LONRF2: variants seen among roughly 807,000 people sequenced by gnomAD.
LONRF2 encodes the protein LON peptidase N-terminal domain and RING finger protein 2.
Under a neutral mutation model 66.6 loss-of-function variants are expected in LONRF2, and 35 were observed. The observed-to-expected ratio is 0.53, with a 90% CI of 0.40 to 0.70. The LOEUF (loss-of-function observed/expected upper bound fraction) is 0.70, where lower values mean the gene tolerates loss of function less well. LONRF2 is among the 30% of genes least tolerant of loss of function. The pLI is 0.00. For missense variants in LONRF2, 902 were observed against 1,002.1 expected (o/e 0.90, Z 1.35); for synonymous variants, 417 against 418.1 (o/e 1.00, Z 0.03).
Position 100,275,687 on chromosome 2 carries a change from T to C in LONRF2, c.*8611A>G, listed in dbSNP as rs1249170970. The C allele has an allele frequency of 3.3e-5, 5 of 152,162 alleles. No homozygotes were observed. The highest frequency in any genetic ancestry group is 6.5e-5 in the Admixed American group (1 of 15,272). The allele number at this position is 152,162 out of a possible 1,614,324, so 9.4% of individuals were successfully genotyped here. The stretch of plus-strand genomic sequence containing the variant: ...AAAGGGGAAGGGGTGGGACACTTTG[T>C]TCCCACTCCCCTGAGACCTGCAGAA... On this transcript the variant is annotated 3_prime_UTR_variant, in exon 12 of 12. Coordinates refer to ENST00000393437, the MANE Select transcript of LONRF2 (RefSeq NM_198461.4).
At chr2:100,291,266 A>G (rs1444771849) in intron 9 of LONRF2, among the ~76,000 whole-genome samples, 1 of 152,146 alleles carries the variant, frequency 6.6e-6, no homozygotes, top group Non-Finnish European at 1.5e-5. Flanking sequence ...GGGAGTTTGC[A>G]TCACACACAG....
At chr2:100,320,727 A>T (rs989427544) in intron 1 of LONRF2, among the ~76,000 whole-genome samples, 2 of 152,212 alleles carry the variant, frequency 1.3e-5, no homozygotes, top group African/African-American at 2.4e-5. Flanking sequence ...CGATGACAGA[A>T]GTTTGGTCTT....
rs1287431075 is a variant in LONRF2 at position 100,295,608 on chromosome 2, A to G, written c.1477-55T>C. ...TATGGTAATTGATTCTAAAGGACGA[A>G]GCTTCCGAGTGGAAAGGTGAACAAG... is the stretch of plus-strand genomic sequence containing the variant. On this transcript the variant is annotated intron_variant, in intron 7 of 11. Transcript: ENST00000393437. 1.9e-5 allele frequency: 30 copies of G among 1,563,624 alleles called. 1 individual carries two copies. The South Asian group carries it at 3.4e-4, about 18-fold the overall frequency.
chr2:100,295,380 G>C, intron 8 of LONRF2, 52 bp downstream of exon 8: 6 of 1,554,662 alleles, frequency 3.9e-6, no homozygotes, highest in Non-Finnish European at 5.2e-6. Flanking sequence ...AGCTGAAGTT[G>C]ACAAAGTTCA....
At chr2:100,288,584 T>C (rs1462288576) in intron 10 of LONRF2, among the ~76,000 whole-genome samples, 2 of 152,214 alleles carry the variant, frequency 1.3e-5, no homozygotes, top group East Asian at 1.9e-4. Flanking sequence ...CAAAACCAGA[T>C]AGACATTTCC....
chr2:100,311,355 T>C (rs1158375700), intron 1 of LONRF2, among the ~76,000 whole-genome samples: 1 of 113,308 alleles, frequency 8.8e-6, no homozygotes, highest in Non-Finnish European at 2.0e-5. Context: ...AAAGGAGATT[T>C]GGAAAAAAAA....
At chr2:100,287,149 G>A (rs1674864243) in intron 10 of LONRF2, 86 bp from the exon 11 acceptor site, 4 of 1,256,592 alleles carry the variant, frequency 3.2e-6, no homozygotes, top group East Asian at 2.7e-5. Flanking sequence ...TCCACTAAGT[G>A]GATTTGTGGC....
At chr2:100,305,663 C>T (rs1675276439) in intron 2 of LONRF2, among the ~76,000 whole-genome samples, 1 of 152,164 alleles carries the variant, frequency 6.6e-6, no homozygotes, top group Admixed American at 6.5e-5. Flanking sequence ...ATGATGAGTA[C>T]TTTAGACAAC....
chr2:100,293,060 G>A lies in LONRF2; in HGVS notation c.1757+1169C>T, dbSNP rs112238306. 4.0e-3 allele frequency among the ~76,000 whole-genome samples: 604 copies of A among 152,256 alleles called. 9 individuals are homozygous for A. The East Asian group carries it at 0.047, about 12-fold the overall frequency. On this transcript the variant is annotated intron_variant, in intron 9 of 11. Coordinates refer to ENST00000393437, the MANE Select transcript of LONRF2 (RefSeq NM_198461.4). The stretch of plus-strand genomic sequence containing the variant: ...CTTGATATTACAGGAATGTTCTCCT[G>A]TTTGTTCAGCCAGATCTGGGCTTAG...
chr2:100,321,350 C>T, intron 1 of LONRF2, 65 bp downstream of exon 1: 1 of 1,314,772 alleles, frequency 7.6e-7, no homozygotes, highest in Non-Finnish European at 9.8e-7. Context: ...CACCGGCCAG[C>T]TCCCCACCCC....
In LONRF2 at chr2:100,302,901, T is replaced by C. The variant is rs1675214094; in HGVS notation, c.921+20A>G. 1 of 1,572,372 alleles carries C rather than the reference T, an allele frequency of 6.4e-7. No homozygotes were observed. On this transcript the variant is annotated intron_variant, in intron 3 of 11. Transcript: ENST00000393437. The stretch of plus-strand genomic sequence containing the variant: ...TATAAATAAGACCTGATAGAGAAAG[T>C]CCTTTAACAGAACTCATACCTTCTG...
rs375925242 is a variant in LONRF2 at position 100,312,739 on chromosome 2, C to T, written c.680-3514G>A. The stretch of plus-strand genomic sequence containing the variant: ...TGTTGACGTCCACCATTTGGTGATA[C>T]ATTTGTGAGGACAGCACTTCACAAT... On this transcript the variant is annotated intron_variant, in intron 1 of 11. Coordinates refer to ENST00000393437, the MANE Select transcript of LONRF2 (RefSeq NM_198461.4). Among the ~76,000 whole-genome samples, 37 of 152,314 alleles carry T rather than the reference C, an allele frequency of 2.4e-4. 1 individual carries two copies. The highest frequency in any genetic ancestry group is 8.7e-4 in the African/African-American group (36 of 41,566).
intron 2 of LONRF2, among the ~76,000 whole-genome samples, chr2:100,305,613 T>C (rs1675275324): frequency 6.6e-6 from 1 of 152,146 alleles, no homozygotes; most frequent in African/African-American, 2.4e-5. Flanking sequence ...ACACATTGCT[T>C]ACCTTGCAGC....
chr2:100,316,349 T>TTTCTAATAATTATTAGAAATTCTAATAA (rs1553542138), intron 1 of LONRF2, among the ~76,000 whole-genome samples: 5,834 of 140,306 alleles, frequency 0.042, 394 homozygotes, highest in African/African-American at 0.17. Context: ...GAAAGAAAAT[T>TTTCTAATAATTATTAGAAATTCTAATAA]TTCTAATAAT....
chr2:100,316,599 A>C (rs893989304), intron 1 of LONRF2, among the ~76,000 whole-genome samples: 2 of 152,078 alleles, frequency 1.3e-5, no homozygotes, highest in Non-Finnish European at 1.5e-5. Context: ...CTAATCCAGG[A>C]GTTGGCAAAC....
At position 100,275,760 on chromosome 2, in the gene LONRF2, G is replaced by A. The variant is rs2105705055; in HGVS notation, c.*8538C>T. 6.6e-6 allele frequency: 1 copy of A among 152,206 alleles called. No individual in the cohort carries two copies. Among genetic ancestry groups the A allele is most frequent in the South Asian group, 2.1e-4 (1 of 4,824 alleles). 9.4% of individuals were successfully genotyped at this position (152,206 alleles called of 1,614,324 possible). On this transcript the variant is annotated 3_prime_UTR_variant, in exon 12 of 12. Coordinates refer to ENST00000393437, the MANE Select transcript of LONRF2 (RefSeq NM_198461.4). Reference sequence around the variant, plus strand: ...TAACCACCCCCCACCAGTGTGCCTGGGCACTCTGAACACCCTGCCTGTCAA... The same window carrying A: ...TAACCACCCCCCACCAGTGTGCCTGAGCACTCTGAACACCCTGCCTGTCAA...
intron 1 of LONRF2, among the ~76,000 whole-genome samples, chr2:100,316,363 T>C (rs1050032068): frequency 6.6e-6 from 1 of 150,458 alleles, no homozygotes; most frequent in African/African-American, 2.4e-5. Flanking sequence ...TAATAATTAT[T>C]AGAAATTCTA....
rs1675163934 is a variant in LONRF2 at position 100,300,537 on chromosome 2, TAA to T, written c.1065+105_1065+106del. The T allele has an allele frequency of 2.2e-5, 24 of 1,111,284 alleles. No homozygotes were observed. The East Asian group carries it at 4.1e-4, about 19-fold the overall frequency. The allele number at this position is 1,111,284 out of a possible 1,614,324, so 68.8% of individuals were successfully genotyped here. On this transcript the variant is annotated intron_variant, in intron 4 of 11. Transcript: ENST00000393437. ...TACAACTGGTCTTGAGAAATATGTC[TAA>T]CTAACATAATGCCATAATGTGTGAA... is the stretch of plus-strand genomic sequence containing the variant.
At chr2:100,307,972 A>G (rs988256733) in intron 2 of LONRF2, among the ~76,000 whole-genome samples, 2 of 152,252 alleles carry the variant, frequency 1.3e-5, no homozygotes, top group African/African-American at 4.8e-5. Context: ...ACAAGCAACA[A>G]AATAGATTTC....
Sources: gnomAD v4.1 joint callset for allele counts (sites outside exome capture counted in the v4.1 genomes callset) on GRCh38, gnomAD v4.1.1 for gene constraint, MANE v1.5 for transcripts, NCBI Gene and HGNC (gene_info 2026-07-23, HGNC 2026-07-21) for gene names.